The following SMC1B variants were observed in gnomAD, a reference collection of about 807,000 sequenced individuals.
SMC1B encodes the protein structural maintenance of chromosomes protein 1B.
Under a neutral mutation model 157.9 loss-of-function variants are expected in SMC1B, and 60 were observed. That is an observed-to-expected ratio of 0.38 (90% CI 0.31 to 0.47). The LOEUF is 0.47. SMC1B is among the 20% of genes least tolerant of loss of function. The probability of loss-of-function intolerance (pLI) is 0.99; values close to 1 mark genes in which losing one functional copy is unlikely to be tolerated. For missense variants in SMC1B, 1,165 were observed against 1,426.2 expected (o/e 0.82, Z 2.95); for synonymous variants, 445 against 483.0 (o/e 0.92, Z 1.03).
rs749732056 is a variant in SMC1B, at chr22:45,362,885, C to T, written c.2562G>A (p.Lys854=). The T allele has an allele frequency of 3.2e-6, 5 of 1,585,834 alleles. No individual in the cohort carries two copies. The African/African-American group carries it at 6.8e-5, about 22-fold the overall frequency. ...KGSEDIDHLK[K]AEENCLQTVN... ...ACTTCAGCTACCCATTATTAATTAC[C>T]TTCTTTAGGTGATCAATATCTTCAC... is the stretch of plus-strand genomic sequence containing the variant. Residue 854 remains lysine (K), a splice_region_variant and synonymous_variant, in exon 16 of 25, where the codon AAG becomes AAA. Coordinates refer to ENST00000357450, the MANE Select transcript of SMC1B (RefSeq NM_148674.5).
intron 24 of SMC1B, 87 bp from the exon 25 acceptor site, chr22:45,344,744 C>A (rs566924753): frequency 4.2e-5 from 35 of 824,592 alleles, no homozygotes; most frequent in Non-Finnish European, 6.0e-6. Context: ...TCTAGAATTG[C>A]ATTCAAAAGG....
At chr22:45,397,799 C>G (rs1056063314) in intron 6 of SMC1B, among the ~76,000 whole-genome samples, 3 of 152,174 alleles carry the variant, frequency 2.0e-5, no homozygotes, top group Non-Finnish European at 2.9e-5. Flanking sequence ...GAGAAACCAC[C>G]TGACTTCAGG....
At chr22:45,353,912 A>AC (rs2086641263) in intron 21 of SMC1B, 66 bp downstream of exon 21, 1 of 728,326 alleles carries the variant, frequency 1.4e-6, no homozygotes, top group Admixed American at 4.4e-5. Flanking sequence ...AAAAAAAAAA[A>AC]AAAAAAAACA....
chr22:45,402,089 T>A (rs1056893691), intron 5 of SMC1B, among the ~76,000 whole-genome samples: 17 of 152,160 alleles, frequency 1.1e-4, no homozygotes, highest in African/African-American at 2.7e-4. Flanking sequence ...TTCACCGTGT[T>A]AGCCAGGATG....
chr22:45,361,674 G>C (rs1295127775), intron 17 of SMC1B, among the ~76,000 whole-genome samples, 165 bp downstream of exon 17: 1 of 152,140 alleles, frequency 6.6e-6, no homozygotes, highest in Non-Finnish European at 1.5e-5. Context: ...ACTTCTCCTG[G>C]TTGAGAATGT....
At chr22:45,361,562 A>C (rs2086721967) in intron 17 of SMC1B, among the ~76,000 whole-genome samples, 1 of 152,196 alleles carries the variant, frequency 6.6e-6, no homozygotes, top group South Asian at 2.1e-4. Flanking sequence ...CGGGAAGCAA[A>C]GGTTGCAGTA....
At chr22:45,369,574 G>A (rs1460232431) in intron 15 of SMC1B, among the ~76,000 whole-genome samples, 1 of 126,854 alleles carries the variant, frequency 7.9e-6, no homozygotes, top group African/African-American at 3.1e-5. Flanking sequence ...ATGGAGTCTC[G>A]CTCCATCGTC....
chr22:45,390,779 A>T (rs1161774035), intron 9 of SMC1B, among the ~76,000 whole-genome samples: 1 of 152,146 alleles, frequency 6.6e-6, no homozygotes, highest in Non-Finnish European at 1.5e-5. Flanking sequence ...ATGGTCAAGA[A>T]TTAATTAGAC....
intron 12 of SMC1B, among the ~76,000 whole-genome samples, chr22:45,378,266 C>T (rs1156660370): frequency 1.3e-5 from 2 of 152,116 alleles, no homozygotes. Flanking sequence ...TACAAATACA[C>T]TTCTTAATTT....
In SMC1B at chr22:45,358,794, A is replaced by G. The variant is rs753897054; in HGVS notation, c.2864T>C (p.Met955Thr). ...GSLDDIIEVE[M>T]GTEAESTQAT... Reference sequence around the variant, plus strand: ...CTGGGTACTTTCTGCTTCAGTTCCCATCTGAAAAATATGTGAACACATACA... The same window carrying G: ...CTGGGTACTTTCTGCTTCAGTTCCCGTCTGAAAAATATGTGAACACATACA... The change falls in exon 19 of 25, where the codon ATG becomes ACG. Residue 955 changes from methionine to threonine, a missense_variant and splice_region_variant. Physicochemically the swap from Met to Thr is moderately conservative, Grantham distance 81 (BLOSUM62 -1). Transcript: ENST00000357450. The G allele has an allele frequency of 1.6e-5, 26 of 1,608,424 alleles. No individual in the cohort carries two copies. The highest frequency in any genetic ancestry group is 2.2e-5 in the East Asian group (1 of 44,752).
Position 45,344,547 on chromosome 22 carries a change from G to T in SMC1B, c.*9C>A, listed in dbSNP as rs778194792. The T allele has an allele frequency of 1.3e-6, 2 of 1,598,102 alleles. No homozygotes were observed. The highest frequency in any genetic ancestry group is 1.7e-6 in the Non-Finnish European group (2 of 1,165,516). On this transcript the variant is annotated 3_prime_UTR_variant, in exon 25 of 25. Coordinates refer to ENST00000357450, the MANE Select transcript of SMC1B (RefSeq NM_148674.5). Reference sequence around the variant, plus strand: ...GAACAGTGATCAGGTGACTGCTGCAGGACTGCCCCTAGCGGGACTCTCCGT... The same window carrying T: ...GAACAGTGATCAGGTGACTGCTGCATGACTGCCCCTAGCGGGACTCTCCGT...
rs777844122 is a variant in SMC1B, at chr22:45,413,472, G to C, written c.96C>G (p.Gly32=). The C allele has an allele frequency of 1.2e-6, 2 of 1,608,486 alleles. No homozygotes were observed. Among genetic ancestry groups the C allele is most frequent in the Admixed American group, 3.4e-5 (2 of 59,444 alleles). Reference sequence around the variant, plus strand: ...CTGCTCAGTTACCAGAGCCGTTGGGGCCGATGATGCAGGTGAACCTCCGGA... The same window carrying C: ...CTGCTCAGTTACCAGAGCCGTTGGGCCCGATGATGCAGGTGAACCTCCGGA... ...GPFRRFTCII[G]PNGSGKSNVM... is the part of the protein sequence containing the mutation. Residue 32 remains glycine, a synonymous_variant, in exon 1 of 25, where the codon GGC becomes GGG. Transcript: ENST00000357450.
chr22:45,377,636 C>CAA (rs146368901), intron 12 of SMC1B, among the ~76,000 whole-genome samples: 6 of 120,552 alleles, frequency 5.0e-5, no homozygotes, highest in African/African-American at 1.9e-4. Context: ...GACTCTGTCT[C>CAA]AAAAAAAAAA....
chr22:45,408,680 A>C (rs766133761), intron 2 of SMC1B, 30 bp downstream of exon 2: 24 of 1,506,252 alleles, frequency 1.6e-5, no homozygotes, highest in Non-Finnish European at 2.2e-5. Context: ...CTCTTGAAAA[A>C]TAAAATGAAA....
chr22:45,344,569 C>A lies in SMC1B; in HGVS notation c.3695G>T (p.Gly1232Val). 1 of 1,613,606 alleles carries A rather than the reference C, an allele frequency of 6.2e-7. No homozygotes were observed. Among genetic ancestry groups the A allele is most frequent in the South Asian group, 1.1e-5 (1 of 91,066 alleles). The change falls in exon 25 of 25, where the codon GGA (glycine) becomes GTA (valine). Residue 1232 changes from glycine to valine, a missense_variant. Physicochemically the swap from Gly to Val is moderately radical, Grantham distance 109. Transcript: ENST00000357450. ...TEGQESSKRH[G>V]ESR ...GCAGGACTGCCCCTAGCGGGACTCT[C>A]CGTGTCTCTTGCTGCTTTCTTGGCC...
At chr22:45,370,255 A>G (rs1396963727) in intron 14 of SMC1B, among the ~76,000 whole-genome samples, 195 bp from the exon 15 acceptor site, 1 of 152,024 alleles carries the variant, frequency 6.6e-6, no homozygotes. Flanking sequence ...CAAATTTCTT[A>G]TTCAAAAAAA....
In SMC1B at chr22:45,386,964, A is replaced by G. The variant is rs778354942; in HGVS notation, c.1814T>C (p.Leu605Pro). ...ACACACAAACTGAATCACTTTCTTC[A>G]GCTGAGGAAACTGAGTCTTTATGAC... ...IDVIKTQFPQLKKVIQFVCGN... is the reference protein window; with the variant it reads ...IDVIKTQFPQPKKVIQFVCGN... Residue 605 changes from leucine to proline, a missense_variant, in exon 11 of 25, where the codon CTG (leucine) becomes CCG (proline). Transcript: ENST00000357450. 1.9e-6 allele frequency: 3 copies of G among 1,614,098 alleles called. No individual in the cohort carries two copies. The highest frequency in any genetic ancestry group is 2.5e-6 in the Non-Finnish European group (3 of 1,179,974).
chr22:45,402,838 T>C lies in SMC1B; in HGVS notation c.616-267A>G, dbSNP rs116768773. ...GGCATGCATTAGCCTGGGTCCCTTT[T>C]GTCTGGACCTGTGAGTTTCACAACT... On this transcript the variant is annotated intron_variant, in intron 4 of 24. Coordinates refer to ENST00000357450, the MANE Select transcript of SMC1B (RefSeq NM_148674.5). 5.6e-3 allele frequency among the ~76,000 whole-genome samples: 858 copies of C among 152,330 alleles called. 6 individuals carry two copies. The highest frequency in any genetic ancestry group is 0.02 in the African/African-American group (815 of 41,564).
At chr22:45,348,443 T>C (rs574620542) in intron 23 of SMC1B, among the ~76,000 whole-genome samples, 7 of 152,246 alleles carry the variant, frequency 4.6e-5, no homozygotes, top group African/African-American at 1.7e-4. Context: ...AATAAATAGA[T>C]ATAAAAACTG....
Sources: allele counts gnomAD v4.1 joint callset (sites outside exome capture counted in the v4.1 genomes callset), GRCh38; gene constraint gnomAD v4.1.1; transcripts MANE v1.5; gene names NCBI Gene and HGNC (gene_info 2026-07-23, HGNC 2026-07-21).